Variants in PWWP2A observed in about 807,000 individuals in gnomAD.
PWWP2A encodes PWWP domain-containing protein 2A.
In PWWP2A, 18 loss-of-function variants were observed where a neutral mutation model predicts 48.5. The ratio of observed to expected loss-of-function variants is 0.37; its 90% CI spans 0.26 to 0.55. The LOEUF (loss-of-function observed/expected upper bound fraction) is 0.55, where lower values mean the gene tolerates loss of function less well. Among genes scored for constraint, PWWP2A ranks in the 20% least tolerant of loss-of-function variants. The pLI is 0.81. For synonymous variants in PWWP2A, 396 were observed against 387.7 expected (o/e 1.02, Z -0.25); for missense variants, 867 against 976.4 (o/e 0.89, Z 1.49).
Position 160,093,289 on chromosome 5 carries a change from G to A in PWWP2A, c.1361C>T (p.Ser454Leu). Residue 454 changes from serine to leucine, a missense_variant, in exon 2 of 2, where the codon TCA (serine) becomes TTA (leucine). Ser to Leu is a moderately radical substitution (Grantham distance 145). Around this residue, in one of 4 missense-constraint regions of PWWP2A, gnomAD observed 382 missense variants for 407.2 expected, o/e 0.94. Coordinates refer to ENST00000307063, the MANE Select transcript of PWWP2A (RefSeq NM_001130864.2). The surrounding 1 kb of genome is among the most constrained non-coding windows in gnomAD (Gnocchi z 5.8). ...ATATCGACGTGTGAAATGGACTTTT[G>A]AATGTGCATTTTTGGAAGTAGAGGT... is the stretch of plus-strand genomic sequence containing the variant. ...NETSTSKNAH[S>L]KVHFTRRYQN... is the part of the protein sequence containing the mutation. 2 of 1,613,974 alleles carry A rather than the reference G, an allele frequency of 1.2e-6. No homozygotes were observed. Among genetic ancestry groups the A allele is most frequent in the Non-Finnish European group, 1.7e-6 (2 of 1,179,866 alleles).
intron 1 of PWWP2A, chr5:160,108,694 C>A: frequency 1.3e-6 from 1 of 767,142 alleles, no homozygotes; most frequent in Non-Finnish European, 1.9e-6. Context: ...CTTTCAAGAA[C>A]TTAGTGAAAA....
intron 2 of PWWP2A, among the ~76,000 whole-genome samples, chr5:160,084,168 ATTTT>A (rs569422559): frequency 6.6e-6 from 1 of 152,170 alleles, no homozygotes; most frequent in Non-Finnish European, 1.5e-5. Context: ...CATGCAAGAC[ATTTT>A]TTTTATTGCT....
At chr5:160,106,819 CCTT>C in intron 1 of PWWP2A, among the ~76,000 whole-genome samples, 1 of 145,080 alleles carries the variant, frequency 6.9e-6, no homozygotes, top group African/African-American at 2.6e-5. Flanking sequence ...TAACCATTAA[CCTT>C]TTTTTTTTTT....
the PWWP2A span, among the ~76,000 whole-genome samples, chr5:160,045,454 CCACACACACACACA>C: frequency 0.015 from 586 of 38,880 alleles, 17 homozygotes; most frequent in Middle Eastern, 0.042. Flanking sequence ...CCCCCACCCT[CCACACACACACACA>C]CACACACACA....
intron 1 of PWWP2A, among the ~76,000 whole-genome samples, chr5:160,106,490 T>G (rs1561692674): frequency 6.6e-6 from 1 of 152,018 alleles, no homozygotes; most frequent in African/African-American, 2.4e-5. Context: ...CTTCTTAGAT[T>G]AAATATGCAG....
chr5:160,113,281 T>C, intron 1 of PWWP2A: 1 of 979,208 alleles, frequency 1.0e-6, no homozygotes, highest in South Asian at 4.7e-5. Context: ...TTTCACAGAA[T>C]GATTCTCCTC....
At chr5:160,117,764 C>A in intron 1 of PWWP2A, 1 of 439,548 alleles carries the variant, frequency 2.3e-6, no homozygotes, top group Non-Finnish European at 3.0e-6. Flanking sequence ...CTTTTTTCCC[C>A]AAATGGGAAA....
At chr5:160,081,709 T>C (rs922534461) in intron 2 of PWWP2A, among the ~76,000 whole-genome samples, 2 of 152,238 alleles carry the variant, frequency 1.3e-5, no homozygotes, top group Admixed American at 6.5e-5. Context: ...ACTTAAGCTT[T>C]CAAAACAGAC....
chr5:160,080,032 T>C (rs1483211294), intron 3 of PWWP2A, among the ~76,000 whole-genome samples: 1 of 152,188 alleles, frequency 6.6e-6, no homozygotes, highest in African/African-American at 2.4e-5. Context: ...TCCTACCCTA[T>C]AAGGGCCCAA....
downstream of PWWP2A, among the ~76,000 whole-genome samples, chr5:160,057,455 T>A (rs997011646): frequency 2.0e-5 from 3 of 152,092 alleles, no homozygotes; most frequent in Non-Finnish European, 4.4e-5. The surrounding 1 kb of genome is among the most constrained non-coding windows in gnomAD (Gnocchi z 4.4). Context: ...TATTAAAAAA[T>A]GCTGACGATG....
the PWWP2A span, among the ~76,000 whole-genome samples, chr5:160,051,412 T>C: frequency 4.6e-5 from 7 of 152,196 alleles, no homozygotes; most frequent in African/African-American, 1.2e-4. Flanking sequence ...TTTTCTTGCC[T>C]GCAAGAATTT....
intron 2 of PWWP2A, among the ~76,000 whole-genome samples, chr5:160,081,508 G>A (rs949878007): frequency 1.3e-5 from 2 of 152,134 alleles, no homozygotes; most frequent in African/African-American, 4.8e-5. Flanking sequence ...CCAAAGTGCT[G>A]GGATTATAGG....
chr5:160,116,678 A>G, intron 1 of PWWP2A: 1 of 985,332 alleles, frequency 1.0e-6, no homozygotes, highest in Non-Finnish European at 1.2e-6. Flanking sequence ...CCATTTCCAA[A>G]AACAACTTAC....
At chr5:160,056,731 A>T in the PWWP2A span, among the ~76,000 whole-genome samples, 1 of 151,512 alleles carries the variant, frequency 6.6e-6, no homozygotes, top group East Asian at 1.9e-4. Context: ...TCAAAAGCAA[A>T]ATATATATAT....
chr5:160,112,480 C>T lies in PWWP2A; in HGVS notation c.584+6325G>A, dbSNP rs994399769. Among the ~76,000 whole-genome samples, 4 of 152,246 alleles carry T rather than the reference C, an allele frequency of 2.6e-5. No individual in the cohort carries two copies. In the East Asian group the frequency reaches 5.8e-4, roughly 22 times the overall value. On this transcript the variant is annotated intron_variant, in intron 1 of 1. Coordinates refer to ENST00000307063, the MANE Select transcript of PWWP2A (RefSeq NM_001130864.2). ...TACGTGACCCACCCACCTCAGCCTCCCAACTTGCTGAGATTACAGGCATGA... is the reference window on the plus strand; with the variant it reads ...TACGTGACCCACCCACCTCAGCCTCTCAACTTGCTGAGATTACAGGCATGA...
chr5:160,074,185 T>C (rs959468580), downstream of PWWP2A, among the ~76,000 whole-genome samples: 3 of 152,074 alleles, frequency 2.0e-5, no homozygotes, highest in Non-Finnish European at 4.4e-5. Context: ...ACACCTGTAA[T>C]CTCAGCACTT....
the PWWP2A span, among the ~76,000 whole-genome samples, chr5:160,048,429 A>T: frequency 6.6e-6 from 1 of 152,152 alleles, no homozygotes; most frequent in African/African-American, 2.4e-5. Context: ...TGCTGGGATT[A>T]TGGGCCTGAG....
In PWWP2A at chr5:160,092,535, A is replaced by G; in HGVS notation, c.2115T>C (p.Ala705=). The G allele has an allele frequency of 1.3e-6, 2 of 1,551,662 alleles. No individual in the cohort carries two copies. The highest frequency in any genetic ancestry group is 1.7e-6 in the Non-Finnish European group (2 of 1,146,980). The part of the protein sequence containing the change: ...WFGSPTTSFL[A]LSQLSPFLEN... ...CTAAAAAGGGGGAGAGTTGTGAAAG[A>G]GCAAGGAAAGATGTTGTTGGAGACC... is the stretch of plus-strand genomic sequence containing the variant. The change falls in exon 2 of 2, where the codon GCT becomes GCC. Residue 705 remains alanine (A), a synonymous_variant. Transcript: ENST00000307063.
At chr5:160,072,934 G>A (rs930953231), downstream of PWWP2A, among the ~76,000 whole-genome samples, 3 of 149,114 alleles carry the variant, frequency 2.0e-5, no homozygotes, top group Admixed American at 6.7e-5. Flanking sequence ...AACCTGGGAG[G>A]CGGAAGTTGC....
Sources: gnomAD v4.1 joint callset for allele counts (sites outside exome capture counted in the v4.1 genomes callset) on GRCh38, gnomAD v4.1.1 for gene constraint, gnomAD v4.1.1 regional missense constraint, Gnocchi (gnomAD v3.1) non-coding constraint, MANE v1.5 for transcripts, NCBI Gene and HGNC (gene_info 2026-07-23, HGNC 2026-07-21) for gene names.